The following SYT9 variants were observed in gnomAD, a reference collection of about 807,000 sequenced individuals.
SYT9 encodes the protein synaptotagmin 9, also known as synaptotagmin-9.
Under a neutral mutation model 48.4 loss-of-function variants are expected in SYT9, and 22 were observed. The ratio of observed to expected loss-of-function variants is 0.45; its 90% CI spans 0.32 to 0.65. The LOEUF (loss-of-function observed/expected upper bound fraction) is 0.65, where lower values mean the gene tolerates loss of function less well. SYT9 is among the 30% of genes least tolerant of loss of function. The pLI, the probability that SYT9 is intolerant of heterozygous loss-of-function variation, is 0.03. For synonymous variants in SYT9, 265 were observed against 245.0 expected, an observed-to-expected ratio of 1.08 and a Z score of -0.76; for missense variants, 577 against 622.0, an observed-to-expected ratio of 0.93 and a Z score of 0.77.
intron 6 of SYT9, among the ~76,000 whole-genome samples, chr11:7,458,203 G>A (rs72846898): frequency 0.12 from 17,844 of 152,214 alleles, 1,233 homozygotes; most frequent in Middle Eastern, 0.25. Context: ...AAATAGGGCC[G>A]GGTGCGGTGG....
intron 3 of SYT9, among the ~76,000 whole-genome samples, chr11:7,380,996 C>A (rs1278738879): frequency 3.3e-5 from 5 of 152,118 alleles, no homozygotes; most frequent in Non-Finnish European, 7.4e-5. Context: ...GTGTGCCATA[C>A]CGAAATTCTA....
intron 1 of SYT9, among the ~76,000 whole-genome samples, chr11:7,290,955 T>C (rs1002679432): frequency 2.0e-5 from 3 of 152,120 alleles, no homozygotes; most frequent in South Asian, 4.1e-4. Flanking sequence ...GATCAAAGGA[T>C]AGTGCAATAC....
chr11:7,353,761 G>A (rs1007865984), intron 3 of SYT9, among the ~76,000 whole-genome samples: 2 of 152,118 alleles, frequency 1.3e-5, no homozygotes, highest in Admixed American at 6.6e-5. Context: ...TCCTGAATGG[G>A]TCCGGACTGA....
chr11:7,445,017 T>C (rs1414571048), intron 6 of SYT9, among the ~76,000 whole-genome samples: 3 of 152,236 alleles, frequency 2.0e-5, no homozygotes, highest in African/African-American at 7.2e-5. Flanking sequence ...GCATGAGTGC[T>C]GGAGCTGGCT....
chr11:7,284,818 T>C (rs1163645447), intron 1 of SYT9, among the ~76,000 whole-genome samples: 2 of 152,238 alleles, frequency 1.3e-5, no homozygotes, highest in African/African-American at 2.4e-5. Flanking sequence ...GTCTTCTATG[T>C]TTACTTGCTC....
intron 1 of SYT9, among the ~76,000 whole-genome samples, chr11:7,263,947 T>G (rs1374239433): frequency 1.3e-5 from 2 of 152,080 alleles, no homozygotes; most frequent in Non-Finnish European, 2.9e-5. Flanking sequence ...AACTGTATGT[T>G]TGTATGCTGG....
At chr11:7,342,034 G>C (rs928539702) in intron 3 of SYT9, among the ~76,000 whole-genome samples, 13 of 152,136 alleles carry the variant, frequency 8.5e-5, no homozygotes, top group African/African-American at 3.1e-4. Flanking sequence ...CATGAGAACA[G>C]TATAAGGAAA....
At chr11:7,285,767 C>T (rs980509114) in intron 1 of SYT9, among the ~76,000 whole-genome samples, 1 of 152,192 alleles carries the variant, frequency 6.6e-6, no homozygotes, top group Non-Finnish European at 1.5e-5. Context: ...AAAATACACC[C>T]ATTTCAAATG....
At chr11:7,319,186 C>CTTTTTT (rs1849294575) in intron 3 of SYT9, among the ~76,000 whole-genome samples, 1 of 79,280 alleles carries the variant, frequency 1.3e-5, no homozygotes, top group Non-Finnish European at 2.4e-5. Context: ...TTCTTTTCTT[C>CTTTTTT]TTTTTCTTTT....
chr11:7,453,975 C>G, intron 6 of SYT9: 1 of 985,324 alleles, frequency 1.0e-6, no homozygotes, highest in Non-Finnish European at 1.2e-6. Context: ...AGCAGGCACC[C>G]TCTGTGGTCT....
intron 6 of SYT9, among the ~76,000 whole-genome samples, chr11:7,436,520 A>G (rs1294512156): frequency 6.6e-6 from 1 of 152,236 alleles, no homozygotes; most frequent in Non-Finnish European, 1.5e-5. Flanking sequence ...TATGCTGTTT[A>G]TATGCATGTA....
intron 6 of SYT9, among the ~76,000 whole-genome samples, chr11:7,426,933 G>C (rs906239913): frequency 2.6e-5 from 4 of 152,130 alleles, no homozygotes; most frequent in African/African-American, 9.7e-5. Flanking sequence ...CATGAAATAA[G>C]ATACTTATTT....
chr11:7,370,813 A>G (rs527324713), intron 3 of SYT9, among the ~76,000 whole-genome samples: 1 of 152,320 alleles, frequency 6.6e-6, no homozygotes, highest in East Asian at 1.9e-4. Flanking sequence ...AAGCATGTTG[A>G]CTATGGGATC....
intron 3 of SYT9, among the ~76,000 whole-genome samples, chr11:7,396,271 C>A (rs73399570): frequency 6.6e-6 from 1 of 152,018 alleles, no homozygotes; most frequent in African/African-American, 2.4e-5. Context: ...CACTTTATCT[C>A]GCTGTATTTT....
At chr11:7,266,213 C>A (rs921774420) in intron 1 of SYT9, among the ~76,000 whole-genome samples, 20 of 152,068 alleles carry the variant, frequency 1.3e-4, no homozygotes, top group African/African-American at 4.3e-4. Flanking sequence ...TTAATCTGTT[C>A]CACCGTGACT....
At chr11:7,361,646 T>A (rs1051748346) in intron 3 of SYT9, among the ~76,000 whole-genome samples, 5 of 152,200 alleles carry the variant, frequency 3.3e-5, no homozygotes, top group African/African-American at 1.2e-4. Context: ...TCTATGATTG[T>A]GAATTTGTTG....
chr11:7,400,122 T>C (rs185128280), intron 3 of SYT9, among the ~76,000 whole-genome samples: 1 of 152,312 alleles, frequency 6.6e-6, no homozygotes, highest in Admixed American at 6.5e-5. Flanking sequence ...ATAAAAACAC[T>C]TTCTTGCACA....
intron 1 of SYT9, among the ~76,000 whole-genome samples, chr11:7,258,679 A>G (rs1848022172): frequency 4.6e-5 from 7 of 152,126 alleles, no homozygotes; most frequent in Admixed American, 4.6e-4. Context: ...TTAACTCTTC[A>G]TTTTATTCAT....
rs147807620 is a variant in SYT9, at chr11:7,408,932, G to C, written c.1045-7110G>C. On this transcript the variant is annotated intron_variant, in intron 3 of 6. Coordinates refer to ENST00000318881, the MANE Select transcript of SYT9 (RefSeq NM_175733.4). ...TTCCAGTACCATGTTGAATAAGAGT[G>C]GTGAAAGTGGGTATTTGTGTTGAGT... 2.2e-3 allele frequency among the ~76,000 whole-genome samples: 338 copies of C among 152,216 alleles called. 2 individuals carry two copies. Among genetic ancestry groups the C allele is most frequent in the African/African-American group, 7.9e-3 (329 of 41,532 alleles).
Sources: allele counts gnomAD v4.1 joint callset (sites outside exome capture counted in the v4.1 genomes callset), GRCh38; gene constraint gnomAD v4.1.1; transcripts MANE v1.5; gene names NCBI Gene and HGNC (gene_info 2026-07-23, HGNC 2026-07-21).